SCFD2: variants seen among roughly 807,000 people sequenced by gnomAD.
SCFD2 encodes sec1 family domain containing 2.
In SCFD2, 54 loss-of-function variants were observed where a neutral mutation model predicts 58.9. The observed-to-expected ratio is 0.92, with a 90% confidence interval of 0.74 to 1.15. The LOEUF (loss-of-function observed/expected upper bound fraction) is 1.15. SCFD2 is among the 50% of genes most tolerant of loss of function. The pLI, the probability that SCFD2 is intolerant of heterozygous loss-of-function variation, is 0.00. For missense variants in SCFD2, 805 were observed against 836.6 expected, an observed-to-expected ratio of 0.96 and a Z score of 0.47; for synonymous variants, 321 against 335.9, an observed-to-expected ratio of 0.96 and a Z score of 0.49.
At chr4:53,260,186 C>T (rs1312813255) in intron 4 of SCFD2, among the ~76,000 whole-genome samples, 3 of 152,024 alleles carry the variant, frequency 2.0e-5, no homozygotes, top group African/African-American at 7.2e-5. Flanking sequence ...AACAAGAGTT[C>T]AACTTCCTCT....
At chr4:53,260,311 C>G (rs1012387761) in intron 4 of SCFD2, among the ~76,000 whole-genome samples, 14 of 152,018 alleles carry the variant, frequency 9.2e-5, no homozygotes, top group African/African-American at 2.7e-4. Context: ...TGTTCCAGTT[C>G]TCAGAGGGGA....
intron 4 of SCFD2, among the ~76,000 whole-genome samples, chr4:53,170,892 T>A (rs1727159627): frequency 6.6e-6 from 1 of 152,232 alleles, no homozygotes; most frequent in South Asian, 2.1e-4. Flanking sequence ...CCTGCAACTT[T>A]ACTGAATTCA....
chr4:53,273,588 C>CA, intron 4 of SCFD2: 1 of 379,182 alleles, frequency 2.6e-6, no homozygotes, highest in South Asian at 5.3e-5. Context: ...GTCCAATGCT[C>CA]AAAAAACATC....
chr4:53,207,536 ATT>A (rs1491446074), intron 4 of SCFD2, among the ~76,000 whole-genome samples: 13 of 10,930 alleles, frequency 1.2e-3, no homozygotes, highest in South Asian at 3.6e-3. Context: ...ATATTTATAT[ATT>A]ATATATATAA....
intron 5 of SCFD2, among the ~76,000 whole-genome samples, chr4:53,020,986 G>A (rs946362506): frequency 2.6e-5 from 4 of 152,184 alleles, no homozygotes; most frequent in Non-Finnish European, 5.9e-5. Context: ...ACCTCATCAT[G>A]TAACCCTAAA....
chr4:53,346,744 A>C (rs980500557), intron 2 of SCFD2, among the ~76,000 whole-genome samples: 8 of 152,208 alleles, frequency 5.3e-5, no homozygotes, highest in African/African-American at 1.9e-4. Flanking sequence ...TGGCATTTTA[A>C]TAGAAGTTGT....
chr4:53,203,971 T>C (rs1458513598), intron 4 of SCFD2, among the ~76,000 whole-genome samples: 1 of 152,174 alleles, frequency 6.6e-6, no homozygotes, highest in Admixed American at 6.5e-5. Context: ...AGCTGATTGC[T>C]GACACTACGT....
chr4:53,311,870 G>A (rs531067357), intron 3 of SCFD2, among the ~76,000 whole-genome samples: 24 of 152,138 alleles, frequency 1.6e-4, no homozygotes, highest in African/African-American at 4.6e-4. Context: ...TCTTGATCTC[G>A]TGATCCGCCT....
intron 6 of SCFD2, among the ~76,000 whole-genome samples, chr4:52,912,793 C>T (rs1221740632): frequency 6.6e-6 from 1 of 152,104 alleles, no homozygotes; most frequent in Non-Finnish European, 1.5e-5. Context: ...AGATGGGAAC[C>T]CTCTGACTTG....
chr4:53,151,494 T>C (rs1391484136), intron 4 of SCFD2, among the ~76,000 whole-genome samples: 1 of 152,166 alleles, frequency 6.6e-6, no homozygotes, highest in Non-Finnish European at 1.5e-5. Flanking sequence ...CTGACCTTTT[T>C]AGTTCAATTA....
intron 4 of SCFD2, among the ~76,000 whole-genome samples, chr4:53,151,132 G>T (rs969428306): frequency 5.3e-5 from 8 of 152,160 alleles, no homozygotes; most frequent in African/African-American, 1.9e-4. Flanking sequence ...GGAGGGAGGG[G>T]CAGCCTACAA....
At chr4:53,311,706 G>C (rs1275917982) in intron 3 of SCFD2, among the ~76,000 whole-genome samples, 1 of 151,488 alleles carries the variant, frequency 6.6e-6, no homozygotes, top group Non-Finnish European at 1.5e-5. Context: ...CGCAATCTCA[G>C]CTCACTGGAA....
rs1018901846 is a variant in SCFD2 at position 53,356,860 on chromosome 4, C to T, written c.839-4094G>A. ...CACGCCATTCTCCTGCCTCAGCCTC[C>T]GGAGTAGCTGGGACTACAGGCGCCT... On this transcript the variant is annotated intron_variant, in intron 1 of 8. Coordinates refer to ENST00000401642, the MANE Select transcript of SCFD2 (RefSeq NM_152540.4). Among the ~76,000 whole-genome samples the T allele has an allele frequency of 1.1e-4, 17 of 151,904 alleles. No individual in the cohort carries two copies. The East Asian group carries it at 1.2e-3, about 10-fold the overall frequency.
intron 7 of SCFD2, among the ~76,000 whole-genome samples, chr4:52,888,013 C>T (rs1369657652): frequency 6.7e-6 from 1 of 150,064 alleles, no homozygotes; most frequent in Non-Finnish European, 1.5e-5. Flanking sequence ...CGGGTTCACG[C>T]CATTCTCCTG....
intron 4 of SCFD2, among the ~76,000 whole-genome samples, chr4:53,174,594 C>G (rs193279174): frequency 6.6e-6 from 1 of 152,096 alleles, no homozygotes. Flanking sequence ...AAGTGCACCT[C>G]AAAATGCTCC....
At chr4:53,078,612 T>G (rs1449291052) in intron 5 of SCFD2, among the ~76,000 whole-genome samples, 1 of 152,194 alleles carries the variant, frequency 6.6e-6, no homozygotes, top group Non-Finnish European at 1.5e-5. Flanking sequence ...ATATATAATT[T>G]CACTTATAAT....
chr4:53,072,705 C>G (rs545691969), intron 5 of SCFD2, among the ~76,000 whole-genome samples: 1 of 152,204 alleles, frequency 6.6e-6, no homozygotes, highest in South Asian at 2.1e-4. Context: ...TCAGACACCG[C>G]TTCCTCAACC....
intron 4 of SCFD2, among the ~76,000 whole-genome samples, chr4:53,230,342 A>G (rs879526898): frequency 2.0e-5 from 3 of 152,184 alleles, no homozygotes; most frequent in Non-Finnish European, 4.4e-5. Flanking sequence ...TTGCGGCACT[A>G]TTCACAATAG....
chr4:53,199,887 G>A (rs550583035), intron 4 of SCFD2, among the ~76,000 whole-genome samples: 1 of 152,122 alleles, frequency 6.6e-6, no homozygotes, highest in Non-Finnish European at 1.5e-5. Context: ...GCTTGCAGAT[G>A]GCTTTTTTCA....
Sources: gnomAD v4.1 joint callset for allele counts (sites outside exome capture counted in the v4.1 genomes callset) on GRCh38, gnomAD v4.1.1 for gene constraint, MANE v1.5 for transcripts, NCBI Gene and HGNC (gene_info 2026-07-23, HGNC 2026-07-21) for gene names.